The following MFSD6 variants were observed in gnomAD, a reference collection of about 807,000 sequenced individuals.
MFSD6 encodes the protein major facilitator superfamily domain containing 6.
Under a neutral mutation model 56.3 loss-of-function variants are expected in MFSD6, and 26 were observed. That is an observed-to-expected ratio of 0.46 (90% CI 0.34 to 0.64). The LOEUF is 0.64. Among genes scored for constraint, MFSD6 ranks in the 30% least tolerant of loss-of-function variants. The pLI, the probability that MFSD6 is intolerant of heterozygous loss-of-function variation, is 0.01. For synonymous variants in MFSD6, 331 were observed against 366.9 expected, an observed-to-expected ratio of 0.90 and a Z score of 1.12; for missense variants, 750 against 986.2, an observed-to-expected ratio of 0.76 and a Z score of 3.21.
At chr2:190,473,490 G>T (rs9753116) in intron 4 of MFSD6, among the ~76,000 whole-genome samples, 37,014 of 152,044 alleles carry the variant, frequency 0.24, 5,258 homozygotes, top group South Asian at 0.34. Flanking sequence ...ATTACATAAT[G>T]GTAAAGGGAT....
rs936931411 is a variant in MFSD6, at chr2:190,447,246, A to ATTTTG, written c.1532+9701_1532+9705dup. Among the ~76,000 whole-genome samples, 1 of 152,160 alleles carries ATTTTG rather than the reference A, an allele frequency of 6.6e-6. No homozygotes were observed. Among genetic ancestry groups the ATTTTG allele is most frequent in the Non-Finnish European group, 1.5e-5 (1 of 68,022 alleles). On this transcript the variant is annotated intron_variant, in intron 3 of 7. Coordinates refer to ENST00000392328, the MANE Select transcript of MFSD6 (RefSeq NM_017694.4). The surrounding 1 kb of genome is among the most constrained non-coding windows in gnomAD (Gnocchi z 4.5). Reference sequence around the variant, plus strand: ...AGAGAACACAAAGTTAGTGATTTCAATTTTGTTTTGTTTTGTTTTGCTTTT... The same window carrying ATTTTG: ...AGAGAACACAAAGTTAGTGATTTCAATTTTGTTTTGTTTTGTTTTGTTTTGCTTTT...
intron 2 of MFSD6, among the ~76,000 whole-genome samples, chr2:190,422,256 C>T (rs547884470): frequency 3.3e-5 from 5 of 152,252 alleles, no homozygotes; most frequent in African/African-American, 1.2e-4. Flanking sequence ...ATTTTTCTGA[C>T]GGTCTCTCCT....
chr2:190,483,041 G>A (rs1489295122), intron 4 of MFSD6, among the ~76,000 whole-genome samples: 4 of 151,004 alleles, frequency 2.6e-5, no homozygotes, highest in Non-Finnish European at 4.4e-5. Context: ...ACAGGCGCCT[G>A]CCACCGCGCC....
rs1686188272 is a variant in MFSD6, at chr2:190,436,706, TGCA to T, written c.680_682del (p.Gln227del). ...CCAAACATGAACAGTGAACCCACTC[TGCA>T]GCCCCAGACAGGTGAAATTACTAAC... On this transcript the variant is annotated inframe_deletion, in exon 3 of 8. Transcript: ENST00000392328. This position sits in a 1 kb window ranked among gnomAD's most constrained non-coding sequence, Gnocchi z 5.3. 1.2e-6 allele frequency: 2 copies of T among 1,614,252 alleles called. No homozygotes were observed.
At chr2:190,479,484 A>G (rs1190908768) in intron 4 of MFSD6, among the ~76,000 whole-genome samples, 1 of 152,196 alleles carries the variant, frequency 6.6e-6, no homozygotes, top group Non-Finnish European at 1.5e-5. Context: ...TTAAAAACCC[A>G]TAGGAATTTT....
chr2:190,442,476 C>A (rs1686416162), intron 3 of MFSD6: 1 of 152,008 alleles, frequency 6.6e-6, no homozygotes, highest in Non-Finnish European at 1.5e-5. Context: ...TTCCTCCCTG[C>A]TTTGAATGTT....
At chr2:190,460,763 A>G (rs916356171) in intron 3 of MFSD6, among the ~76,000 whole-genome samples, 2 of 152,216 alleles carry the variant, frequency 1.3e-5, no homozygotes, top group Admixed American at 1.3e-4. Context: ...ACACAGAGAC[A>G]GGTGGGGATG....
In MFSD6 at chr2:190,488,573, C is replaced by T. The variant is rs879473531; in HGVS notation, c.1631-84C>T. The T allele has an allele frequency of 5.1e-6, 6 of 1,178,150 alleles. No homozygotes were observed. Among genetic ancestry groups the T allele is most frequent in the Admixed American group, 6.0e-5 (2 of 33,350 alleles). 73.0% of individuals were successfully genotyped at this position (1,178,150 alleles called of 1,614,324 possible). On this transcript the variant is annotated intron_variant, in intron 4 of 7. Transcript: ENST00000392328. The surrounding 1 kb of genome is among the most constrained non-coding windows in gnomAD (Gnocchi z 6.4). ...CCACAACAAATCTTAAAAATAGGTG[C>T]CTAGTTAAATAATTCACATTTCAAA...
intron 4 of MFSD6, among the ~76,000 whole-genome samples, chr2:190,476,573 T>C (rs1200353319): frequency 6.6e-6 from 1 of 152,162 alleles, no homozygotes. Context: ...GGAGAGGATG[T>C]GGAGAAATAG....
At chr2:190,411,798 A>G (rs1690576515) in intron 1 of MFSD6, 26 of 985,402 alleles carry the variant, frequency 2.6e-5, no homozygotes, top group South Asian at 4.7e-5. Context: ...ACTGTAGCAT[A>G]TTCTACAACT....
At position 190,433,881 on chromosome 2, in the gene MFSD6, T is replaced by C. The variant is rs1686086677; in HGVS notation, c.-53-2096T>C. 6.6e-6 allele frequency among the ~76,000 whole-genome samples: 1 copy of C among 152,124 alleles called. No homozygotes were observed. Among genetic ancestry groups the C allele is most frequent in the African/African-American group, 2.4e-5 (1 of 41,410 alleles). On this transcript the variant is annotated intron_variant, in intron 2 of 7. Transcript: ENST00000392328. The surrounding 1 kb of genome is among the most constrained non-coding windows in gnomAD (Gnocchi z 4.5). The stretch of plus-strand genomic sequence containing the variant: ...CAAGGGGTAGCAAGTGAAACTGATA[T>C]TTTTCTCTAGTAAAGAAAGTGAAAG...
rs368042571 is a variant in MFSD6, at chr2:190,492,752, G to A, written c.1891+2886G>A. Among the ~76,000 whole-genome samples, 4 of 151,982 alleles carry A rather than the reference G, an allele frequency of 2.6e-5. No homozygotes were observed. The East Asian group carries it at 7.7e-4, about 29-fold the overall frequency. ...TCTTTTTCAGACAAACAAATGCTGA[G>A]AGAATTCACCACTACCAAGCCAGCA... On this transcript the variant is annotated intron_variant, in intron 6 of 7. Transcript: ENST00000392328. This position sits in a 1 kb window ranked among gnomAD's most constrained non-coding sequence, Gnocchi z 5.2.
rs184761564 is a variant in MFSD6 at position 190,417,285 on chromosome 2, A to G, written c.-54+1872A>G. On this transcript the variant is annotated intron_variant, in intron 2 of 7. Transcript: ENST00000392328. The surrounding 1 kb of genome is among the most constrained non-coding windows in gnomAD (Gnocchi z 5.7). Reference sequence around the variant, plus strand: ...CATTAGCGGTAAGATCAGCACACCAAAATAAAAGTTCAAATGTTGGGAAAT... The same window carrying G: ...CATTAGCGGTAAGATCAGCACACCAGAATAAAAGTTCAAATGTTGGGAAAT... Among the ~76,000 whole-genome samples, 5 of 152,310 alleles carry G rather than the reference A, an allele frequency of 3.3e-5. No individual in the cohort carries two copies. The East Asian group carries it at 9.6e-4, about 29-fold the overall frequency.
At position 190,488,233 on chromosome 2, in the gene MFSD6, CT is replaced by C. The variant is rs1326824148; in HGVS notation, c.1631-422del. On this transcript the variant is annotated intron_variant, in intron 4 of 7. Coordinates refer to ENST00000392328, the MANE Select transcript of MFSD6 (RefSeq NM_017694.4). The surrounding 1 kb of genome is among the most constrained non-coding windows in gnomAD (Gnocchi z 6.4). ...AGAATTTAAATCAAAGACTCAGATA[CT>C]TGCATACCAGGTTGATAGCAGCATT... Among the ~76,000 whole-genome samples, 11 of 152,322 alleles carry C rather than the reference CT, an allele frequency of 7.2e-5. No individual in the cohort carries two copies. The East Asian group carries it at 2.1e-3, about 29-fold the overall frequency.
intron 2 of MFSD6, among the ~76,000 whole-genome samples, chr2:190,420,519 T>A (rs1270193577): frequency 2.6e-5 from 4 of 152,232 alleles, no homozygotes; most frequent in African/African-American, 9.6e-5. Context: ...TGTAGACATT[T>A]AGCCCATATC....
Position 190,415,137 on chromosome 2 carries a change from T to C in MFSD6, c.-175-155T>C, listed in dbSNP as rs533405097. On this transcript the variant is annotated intron_variant, in intron 1 of 7. Transcript: ENST00000392328. This position sits in a 1 kb window ranked among gnomAD's most constrained non-coding sequence, Gnocchi z 4.5. Reference sequence around the variant, plus strand: ...TGCAATAAAAATCTTTACATTTAAGTCTTTGCTTTTCAGAAAGTTTATGTT... The same window carrying C: ...TGCAATAAAAATCTTTACATTTAAGCCTTTGCTTTTCAGAAAGTTTATGTT... 5.9e-5 allele frequency among the ~76,000 whole-genome samples: 9 copies of C among 152,258 alleles called. No homozygotes were observed. The highest frequency in any genetic ancestry group is 2.6e-4 in the Admixed American group (4 of 15,286).
Position 190,498,277 on chromosome 2 carries a change from A to G in MFSD6, c.2172+558A>G, listed in dbSNP as rs961935294. Among the ~76,000 whole-genome samples the G allele has an allele frequency of 2.6e-5, 4 of 152,212 alleles. No individual in the cohort carries two copies. Among genetic ancestry groups the G allele is most frequent in the African/African-American group, 7.2e-5 (3 of 41,450 alleles). On this transcript the variant is annotated intron_variant, in intron 7 of 7. Transcript: ENST00000392328. The surrounding 1 kb of genome is among the most constrained non-coding windows in gnomAD (Gnocchi z 5.9). ...TGTTGATAAAAGTGTGGATAATTGT[A>G]CAGGTGTATCCCGACTTTGGAAAAT...
rs1000088689 is a variant in MFSD6 at position 190,499,208 on chromosome 2, A to G, written c.2173-807A>G. Among the ~76,000 whole-genome samples the G allele has an allele frequency of 2.0e-5, 3 of 152,224 alleles. No homozygotes were observed. Among genetic ancestry groups the G allele is most frequent in the Non-Finnish European group, 2.9e-5 (2 of 68,044 alleles). The stretch of plus-strand genomic sequence containing the variant: ...ATGTTTCTGGTATGTTAGGATTAAT[A>G]AAAACTGGCAGGTATGCTGTAGTTA... On this transcript the variant is annotated intron_variant, in intron 7 of 7. Transcript: ENST00000392328. The surrounding 1 kb of genome is among the most constrained non-coding windows in gnomAD (Gnocchi z 6.0).
intron 4 of MFSD6, chr2:190,477,067 G>A (rs538471211): frequency 8.4e-6 from 1 of 118,864 alleles, no homozygotes; most frequent in Non-Finnish European, 1.7e-5. Flanking sequence ...GGTGGGGGGA[G>A]GGGGGAGGGA....
Sources: gnomAD v4.1 joint callset for allele counts (sites outside exome capture counted in the v4.1 genomes callset) on GRCh38, gnomAD v4.1.1 for gene constraint, Gnocchi (gnomAD v3.1) non-coding constraint, MANE v1.5 for transcripts, NCBI Gene and HGNC (gene_info 2026-07-23, HGNC 2026-07-21) for gene names.